Variants in UGT1A8 observed in about 807,000 individuals in gnomAD.
UGT1A8 encodes the protein UDP glucuronosyltransferase family 1 member A8.
A neutral mutation model predicts 45.3 loss-of-function variants in UGT1A8; 39 were observed. The observed-to-expected ratio is 0.86, with a 90% CI of 0.67 to 1.12. The LOEUF (loss-of-function observed/expected upper bound fraction) is 1.12. Among genes scored for constraint, UGT1A8 ranks in the 50% most tolerant of loss-of-function variants. The pLI is 0.00. For missense variants in UGT1A8, 719 were observed against 664.9 expected, an observed-to-expected ratio of 1.08 and a Z score of -0.90; for synonymous variants, 275 against 249.2, an observed-to-expected ratio of 1.10 and a Z score of -0.97.
chr2:233,679,513 T>A (rs1257425601), intron 1 of UGT1A8, among the ~76,000 whole-genome samples: 1 of 152,238 alleles, frequency 6.6e-6, no homozygotes, highest in Non-Finnish European at 1.5e-5. Flanking sequence ...TGCTTGGTTT[T>A]CTTCCTTGCC....
intron 1 of UGT1A8, among the ~76,000 whole-genome samples, chr2:233,627,844 AG>A (rs1361015626): frequency 1.3e-5 from 2 of 152,006 alleles, no homozygotes; most frequent in Non-Finnish European, 2.9e-5. Flanking sequence ...CAGCATCATT[AG>A]GGGCACTCTG....
intron 1 of UGT1A8, among the ~76,000 whole-genome samples, chr2:233,688,260 GC>G (rs1436774151): frequency 7.9e-5 from 12 of 152,166 alleles, no homozygotes; most frequent in African/African-American, 2.7e-4. Flanking sequence ...CCTTTACATG[GC>G]CGAATATTCC....
chr2:233,693,459 C>G (rs201855477), intron 1 of UGT1A8: 10 of 1,614,104 alleles, frequency 6.2e-6, no homozygotes, highest in Middle Eastern at 1.6e-4. Flanking sequence ...ACAGACCCAG[C>G]CTTACCCTGT....
chr2:233,768,319 G>T lies in UGT1A8; in HGVS notation c.1175G>T (p.Gly392Val), dbSNP rs367897068. 5.0e-6 allele frequency: 8 copies of T among 1,614,044 alleles called. No homozygotes were observed. Among genetic ancestry groups the T allele is most frequent in the South Asian group, 1.1e-5 (1 of 91,084 alleles). The change falls in exon 4 of 5, where the codon GGT becomes GTT. Residue 392 changes from glycine to valine, a missense_variant. Gly to Val is a moderately radical substitution (Grantham distance 109, BLOSUM62 -3). Transcript: ENST00000373450. The stretch of plus-strand genomic sequence containing the variant: ...CCCATGGTGATGATGCCCTTGTTTG[G>T]TGATCAGATGGACAATGCAAAGCGC... ...GVPMVMMPLFGDQMDNAKRME... is the reference protein window; with the variant it reads ...GVPMVMMPLFVDQMDNAKRME...
At chr2:233,676,121 C>A (rs553203666) in intron 1 of UGT1A8, among the ~76,000 whole-genome samples, 1 of 152,246 alleles carries the variant, frequency 6.6e-6, no homozygotes, top group Admixed American at 6.5e-5. Flanking sequence ...ACAGAAGACC[C>A]ACCCTGGGGT....
chr2:233,701,567 A>T (rs2075636367), intron 1 of UGT1A8, among the ~76,000 whole-genome samples: 1 of 152,072 alleles, frequency 6.6e-6, no homozygotes. Flanking sequence ...CACCACACCT[A>T]CTCCAAAATT....
intron 1 of UGT1A8, chr2:233,672,861 C>T (rs1442379672): frequency 6.5e-7 from 1 of 1,528,204 alleles, no homozygotes; most frequent in Non-Finnish European, 8.8e-7. Flanking sequence ...CTTTACTGAA[C>T]TGTGATTTGA....
chr2:233,709,154 G>A (rs2076061128), intron 1 of UGT1A8, among the ~76,000 whole-genome samples: 1 of 152,156 alleles, frequency 6.6e-6, no homozygotes, highest in Non-Finnish European at 1.5e-5. Context: ...CTGATTGGTT[G>A]AGGCCTAGGT....
intron 4 of UGT1A8, 67 bp from the exon 5 acceptor site, chr2:233,772,195 G>A (rs1700480706): frequency 1.9e-6 from 3 of 1,602,230 alleles, no homozygotes; most frequent in Non-Finnish European, 2.6e-6. Flanking sequence ...AAGCAGCCAT[G>A]AGCATAAAGA....
chr2:233,693,625 A>G (rs1366188345), intron 1 of UGT1A8: 1 of 1,614,140 alleles, frequency 6.2e-7, no homozygotes, highest in East Asian at 2.2e-5. Flanking sequence ...CTTTTTCCCA[A>G]CGAGTGGCCA....
intron 1 of UGT1A8, among the ~76,000 whole-genome samples, chr2:233,725,765 A>G (rs547066557): frequency 6.7e-4 from 102 of 152,264 alleles, no homozygotes; most frequent in African/African-American, 2.2e-3. Flanking sequence ...CATTTTCTTC[A>G]CATAGTTTGT....
chr2:233,631,478 C>T (rs745439950), intron 1 of UGT1A8, among the ~76,000 whole-genome samples: 2 of 152,174 alleles, frequency 1.3e-5, no homozygotes, highest in African/African-American at 2.4e-5. Flanking sequence ...GTTCCTATTT[C>T]TCCACATCCT....
At chr2:233,730,660 G>A (rs979166401) in intron 1 of UGT1A8, among the ~76,000 whole-genome samples, 21 of 152,010 alleles carry the variant, frequency 1.4e-4, no homozygotes, top group African/African-American at 5.1e-4. Flanking sequence ...CTCAGAGTTC[G>A]GAAGGCAAAG....
intron 1 of UGT1A8, among the ~76,000 whole-genome samples, chr2:233,635,236 T>G (rs1018164315): frequency 3.3e-5 from 5 of 150,476 alleles, no homozygotes; most frequent in African/African-American, 1.2e-4. Context: ...CCCTTAACAT[T>G]TTTCCTTCAT....
At chr2:233,666,498 T>A (rs2074077647) in intron 1 of UGT1A8, among the ~76,000 whole-genome samples, 1 of 152,238 alleles carries the variant, frequency 6.6e-6, no homozygotes, top group Non-Finnish European at 1.5e-5. Flanking sequence ...CTTCTTGGGT[T>A]ATTCTCTGTT....
intron 1 of UGT1A8, among the ~76,000 whole-genome samples, chr2:233,634,228 A>G (rs2073238636): frequency 6.6e-6 from 1 of 152,170 alleles, no homozygotes; most frequent in South Asian, 2.1e-4. Flanking sequence ...TTTGCTTCCA[A>G]TTATGTGGTC....
chr2:233,637,648 C>A (rs1376465005), intron 1 of UGT1A8, among the ~76,000 whole-genome samples: 1 of 152,124 alleles, frequency 6.6e-6, no homozygotes, highest in East Asian at 1.9e-4. Context: ...CCAAAAACCA[C>A]AGCAAGAAAT....
chr2:233,685,727 G>T (rs150254106), intron 1 of UGT1A8, among the ~76,000 whole-genome samples: 13 of 152,194 alleles, frequency 8.5e-5, no homozygotes, highest in African/African-American at 2.9e-4. Context: ...GTACTGCTTC[G>T]TCTTTCTCCA....
In UGT1A8 at chr2:233,682,591, A is replaced by T. The variant is rs747574458; in HGVS notation, c.855+64029A>T. The stretch of plus-strand genomic sequence containing the variant: ...ACATCATGCACTTGGAGGAACATTT[A>T]TTTTGCCCCTATTTTTTCAAAAATG... On this transcript the variant is annotated intron_variant, in intron 1 of 4. Transcript: ENST00000373450. The T allele has an allele frequency of 4.3e-6, 7 of 1,613,826 alleles. No homozygotes were observed. The South Asian group carries it at 7.7e-5, about 18-fold the overall frequency.
Sources: allele counts gnomAD v4.1 joint callset (sites outside exome capture counted in the v4.1 genomes callset), GRCh38; gene constraint gnomAD v4.1.1; transcripts MANE v1.5; gene names NCBI Gene and HGNC (gene_info 2026-07-23, HGNC 2026-07-21).